MYOM2: variants seen among roughly 807,000 people sequenced by gnomAD.
The protein encoded by MYOM2 is myomesin 2.
Under a neutral mutation model 187.6 loss-of-function variants are expected in MYOM2, and 254 were observed. That is an observed-to-expected ratio of 1.35 (90% CI 1.22 to 1.50). MYOM2 has a LOEUF of 1.50. Among genes scored for constraint, MYOM2 ranks in the 40% most tolerant of loss-of-function variants. The pLI is 0.00. For missense variants in MYOM2, 2,796 were observed against 1,924.0 expected (o/e 1.45, Z -8.48); for synonymous variants, 981 against 753.8 (o/e 1.30, Z -4.94).
chr8:2,073,048 G>T (rs1342972533), intron 9 of MYOM2, among the ~76,000 whole-genome samples: 2 of 152,200 alleles, frequency 1.3e-5, no homozygotes, highest in African/African-American at 4.8e-5. Flanking sequence ...AGAAGCAGCG[G>T]GCCCCCAGGT....
intron 11 of MYOM2, chr8:2,076,760 C>G (rs1269327849): frequency 6.5e-6 from 1 of 152,986 alleles, no homozygotes; most frequent in Admixed American, 6.5e-5. Context: ...TTCTTGTTTC[C>G]AAGTGAAAAA....
At chr8:2,055,786 C>A (rs1046380610) in intron 3 of MYOM2, among the ~76,000 whole-genome samples, 3 of 152,190 alleles carry the variant, frequency 2.0e-5, no homozygotes, top group African/African-American at 4.8e-5. Flanking sequence ...ACAGGCCTTA[C>A]CGCCAACCTG....
At chr8:2,076,741 A>G (rs1395036090) in intron 11 of MYOM2, 2 of 153,834 alleles carry the variant, frequency 1.3e-5, no homozygotes, top group Admixed American at 6.5e-5. Flanking sequence ...ACTGAGGAAT[A>G]AGGTGTTCTT....
At position 2,073,836 on chromosome 8, in the gene MYOM2, G is replaced by A. The variant is rs1042230019; in HGVS notation, c.1120+336G>A. Reference sequence around the variant, plus strand: ...CTCATTCTCAGGGAACGTAGCCCGAGGATGAAGAGGGGCACAGTGTTGGAG... The same window carrying A: ...CTCATTCTCAGGGAACGTAGCCCGAAGATGAAGAGGGGCACAGTGTTGGAG... On this transcript the variant is annotated intron_variant, in intron 10 of 36. Transcript: ENST00000262113. Among the ~76,000 whole-genome samples the A allele has an allele frequency of 3.6e-4, 55 of 152,338 alleles. 1 individual carries two copies. Among genetic ancestry groups the A allele is most frequent in the African/African-American group, 1.2e-3 (50 of 41,570 alleles).
At chr8:2,049,685 G>T (rs1330077412) in intron 1 of MYOM2, among the ~76,000 whole-genome samples, 2 of 152,180 alleles carry the variant, frequency 1.3e-5, no homozygotes, top group African/African-American at 4.8e-5. Flanking sequence ...AGCTCAGGTT[G>T]TGAGTCCTTT....
intron 6 of MYOM2, among the ~76,000 whole-genome samples, chr8:2,063,996 C>G (rs938683917): frequency 6.6e-6 from 1 of 152,224 alleles, no homozygotes; most frequent in South Asian, 2.1e-4. Flanking sequence ...TGGGGGTGAG[C>G]TGAGTGCCTG....
In MYOM2 at chr8:2,109,418, G is replaced by C; in HGVS notation, c.3067G>C (p.Ala1023Pro). 1 of 1,610,828 alleles carries C rather than the reference G, an allele frequency of 6.2e-7. No homozygotes were observed. Among genetic ancestry groups the C allele is most frequent in the South Asian group, 1.1e-5 (1 of 90,598 alleles). The change falls in exon 25 of 37, where the codon GCT (alanine) becomes CCT (proline). Residue 1023 changes from alanine (A) to proline (P), a missense_variant. Physicochemically the swap from Ala to Pro is conservative, Grantham distance 27. Transcript: ENST00000262113. The part of the protein sequence containing the change: ...NPTIPLKSEL[A>P]YEIFDKGRVR... ...AGCAATTCCTCTGAAATCGGAATTAGCTTATGAGATTTTTGATAAGGGGCG... is the reference window on the plus strand; with the variant it reads ...AGCAATTCCTCTGAAATCGGAATTACCTTATGAGATTTTTGATAAGGGGCG...
At chr8:2,132,223 C>A (rs1190022289) in intron 32 of MYOM2, among the ~76,000 whole-genome samples, 1 of 149,002 alleles carries the variant, frequency 6.7e-6, no homozygotes, top group East Asian at 2.0e-4. Flanking sequence ...AAGACTGGTG[C>A]TGTGGGTCCT....
At chr8:2,056,961 G>C (rs1416023689) in intron 3 of MYOM2, among the ~76,000 whole-genome samples, 2 of 152,200 alleles carry the variant, frequency 1.3e-5, no homozygotes, top group African/African-American at 4.8e-5. Context: ...AAGAGCCTCA[G>C]ATTAAGTTCC....
intron 20 of MYOM2, 30 bp from the exon 21 acceptor site, chr8:2,102,637 C>G (rs1284770274): frequency 6.8e-7 from 1 of 1,477,222 alleles, no homozygotes; most frequent in Admixed American, 1.7e-5. Flanking sequence ...TTTACCTCCA[C>G]ACATCTGGTG....
At chr8:2,106,107 C>G in intron 21 of MYOM2, 135 bp from the exon 22 acceptor site, 1 of 868,228 alleles carries the variant, frequency 1.2e-6, no homozygotes. Context: ...ACCTCACTCC[C>G]TCTACACTTG....
intron 14 of MYOM2, among the ~76,000 whole-genome samples, chr8:2,086,403 T>C (rs1796059870): frequency 1.4e-5 from 2 of 138,534 alleles, no homozygotes; most frequent in Non-Finnish European, 3.1e-5. Context: ...TGTTGTGATC[T>C]CTGCGTGGCC....
At chr8:2,131,106 A>G (rs1194313365) in intron 32 of MYOM2, among the ~76,000 whole-genome samples, 1 of 152,152 alleles carries the variant, frequency 6.6e-6, no homozygotes, top group Non-Finnish European at 1.5e-5. Context: ...GGGTACAGAG[A>G]TTAAACACAC....
intron 15 of MYOM2, among the ~76,000 whole-genome samples, 198 bp downstream of exon 15, chr8:2,090,389 A>AT (rs1163789734): frequency 6.6e-6 from 1 of 152,232 alleles, no homozygotes; most frequent in East Asian, 1.9e-4. Context: ...CCAAAGCTCC[A>AT]TCTTCTTTTC....
chr8:2,127,256 G>A (rs191341629), intron 31 of MYOM2, among the ~76,000 whole-genome samples: 12 of 152,246 alleles, frequency 7.9e-5, no homozygotes, highest in South Asian at 4.1e-4. Flanking sequence ...AGAGGAAACA[G>A]AGTCCCACCT....
In MYOM2 at chr8:2,101,009, G is replaced by T. The variant is rs1391797541; in HGVS notation, c.2574G>T (p.Glu858Asp). The stretch of plus-strand genomic sequence containing the variant: ...ACTTCAGGGAGGAGGATGCTGGAGA[G>T]TGGATCACTGTCAATCAGACGACAA... Reference protein sequence around the residue: ...FVDFREEDAGEWITVNQTTTA... With the variant: ...FVDFREEDAGDWITVNQTTTA... Residue 858 changes from glutamate to aspartate, a missense_variant, in exon 20 of 37, where the codon GAG becomes GAT. By Grantham distance (45) the Glu-to-Asp change is conservative. Coordinates refer to ENST00000262113, the MANE Select transcript of MYOM2 (RefSeq NM_003970.4). The T allele has an allele frequency of 6.2e-7, 1 of 1,614,146 alleles. No individual in the cohort carries two copies. Among genetic ancestry groups the T allele is most frequent in the East Asian group, 2.2e-5 (1 of 44,868 alleles).
At chr8:2,090,977 AT>A (rs111880140) in intron 15 of MYOM2, among the ~76,000 whole-genome samples, 6,384 of 139,014 alleles carry the variant, frequency 0.046, 401 homozygotes, top group African/African-American at 0.15. Flanking sequence ...TCCTCTGGGT[AT>A]ATATGCAGTA....
intron 10 of MYOM2, among the ~76,000 whole-genome samples, 192 bp downstream of exon 10, chr8:2,073,692 C>T (rs903843043): frequency 5.3e-4 from 81 of 152,288 alleles, no homozygotes; most frequent in Non-Finnish European, 5.9e-5. Context: ...GATGAGCAGA[C>T]GGAAGAATCG....
At chr8:2,127,310 A>C (rs1163085662) in intron 31 of MYOM2, among the ~76,000 whole-genome samples, 2 of 151,920 alleles carry the variant, frequency 1.3e-5, no homozygotes, top group Non-Finnish European at 2.9e-5. Flanking sequence ...TGCCTTACAG[A>C]TTTTCAATAA....
Sources: gnomAD v4.1 joint callset for allele counts (sites outside exome capture counted in the v4.1 genomes callset) on GRCh38, gnomAD v4.1.1 for gene constraint, MANE v1.5 for transcripts, NCBI Gene and HGNC (gene_info 2026-07-23, HGNC 2026-07-21) for gene names.